Variants in PRELID2 observed in about 807,000 individuals in gnomAD.
PRELID2 encodes PRELI domain containing 2.
In PRELID2, 25 loss-of-function variants were observed where a neutral mutation model predicts 28.4. The observed-to-expected ratio is 0.88, with a 90% CI of 0.64 to 1.23. The LOEUF (loss-of-function observed/expected upper bound fraction) is 1.23, where lower values mean the gene tolerates loss of function less well. Among genes scored for constraint, PRELID2 ranks in the 50% most tolerant of loss-of-function variants. The pLI, the probability that PRELID2 is intolerant of heterozygous loss-of-function variation, is 0.00. For missense variants in PRELID2, 201 were observed against 214.4 expected (o/e 0.94, Z 0.39); for synonymous variants, 76 against 71.6 (o/e 1.06, Z -0.31).
intron 1 of PRELID2, among the ~76,000 whole-genome samples, chr5:145,675,430 A>G (rs1006471075): frequency 9.2e-5 from 14 of 152,250 alleles, no homozygotes; most frequent in African/African-American, 3.4e-4. Flanking sequence ...CACCGCTGGT[A>G]CAAAACAGAA....
At chr5:145,392,987 C>T in the PRELID2 span, among the ~76,000 whole-genome samples, 1 of 152,140 alleles carries the variant, frequency 6.6e-6, no homozygotes, top group South Asian at 2.1e-4. Flanking sequence ...CCTGCTCCAT[C>T]CCCTTCTCCC....
intron 1 of PRELID2, among the ~76,000 whole-genome samples, chr5:145,512,833 C>T (rs1435847837): frequency 6.6e-6 from 1 of 152,104 alleles, no homozygotes; most frequent in African/African-American, 2.4e-5. Flanking sequence ...CTGGTGATAC[C>T]CAGGCAAACA....
At chr5:145,313,835 C>T in the PRELID2 span, among the ~76,000 whole-genome samples, 1 of 152,002 alleles carries the variant, frequency 6.6e-6, no homozygotes. Flanking sequence ...TAGCAAGGTG[C>T]AACAAAATAA....
At chr5:145,328,375 G>A in the PRELID2 span, among the ~76,000 whole-genome samples, 1 of 152,076 alleles carries the variant, frequency 6.6e-6, no homozygotes, top group South Asian at 2.1e-4. Flanking sequence ...CTTCTAAAAC[G>A]GTTGAACTAA....
chr5:145,824,918 T>C (rs1449798663), intron 1 of PRELID2, among the ~76,000 whole-genome samples: 1 of 152,008 alleles, frequency 6.6e-6, no homozygotes, highest in African/African-American at 2.4e-5. Flanking sequence ...CATTCACTCA[T>C]TTTAGCCCTA....
At chr5:145,487,374 G>C (rs1177874058) in intron 1 of PRELID2, among the ~76,000 whole-genome samples, 2 of 152,140 alleles carry the variant, frequency 1.3e-5, no homozygotes, top group Non-Finnish European at 2.9e-5. Flanking sequence ...AGTTGTAAAG[G>C]TGGAAACTAT....
At chr5:145,679,036 G>A (rs910291835) in intron 1 of PRELID2, among the ~76,000 whole-genome samples, 3 of 152,152 alleles carry the variant, frequency 2.0e-5, no homozygotes, top group African/African-American at 7.2e-5. Context: ...TCTCTAAACA[G>A]TCCAAAGATG....
chr5:145,317,939 T>G, the PRELID2 span, among the ~76,000 whole-genome samples: 1 of 152,196 alleles, frequency 6.6e-6, no homozygotes, highest in Non-Finnish European at 1.5e-5. Context: ...ATGATAATAA[T>G]AATTAACAAT....
At chr5:145,608,619 G>A (rs1291644662) in intron 1 of PRELID2, among the ~76,000 whole-genome samples, 1 of 152,172 alleles carries the variant, frequency 6.6e-6, no homozygotes, top group Non-Finnish European at 1.5e-5. Context: ...CTGTTAGCCT[G>A]ATGAGATTCC....
intron 1 of PRELID2, among the ~76,000 whole-genome samples, chr5:145,578,448 T>A (rs191172992): frequency 6.6e-6 from 1 of 151,992 alleles, no homozygotes; most frequent in Non-Finnish European, 1.5e-5. Flanking sequence ...CCCTTTTTTT[T>A]CCCCTGGGTC....
chr5:145,688,737 G>C (rs1223244772), intron 1 of PRELID2, among the ~76,000 whole-genome samples: 1 of 152,208 alleles, frequency 6.6e-6, no homozygotes, highest in Non-Finnish European at 1.5e-5. Context: ...CATGTACCTA[G>C]AGCGTAAGGT....
intron 1 of PRELID2, among the ~76,000 whole-genome samples, chr5:145,481,300 T>C (rs528968084): frequency 6.6e-6 from 1 of 151,700 alleles, no homozygotes; most frequent in Non-Finnish European, 1.5e-5. Context: ...CTTTTAACTT[T>C]TAATTCTTAA....
At chr5:145,335,862 G>A in the PRELID2 span, among the ~76,000 whole-genome samples, 1 of 152,168 alleles carries the variant, frequency 6.6e-6, no homozygotes, top group Admixed American at 6.5e-5. Context: ...ACTTCCACAA[G>A]GGTTGAACTT....
intron 1 of PRELID2, among the ~76,000 whole-genome samples, chr5:145,734,877 C>G (rs1756450360): frequency 6.6e-6 from 1 of 152,164 alleles, no homozygotes; most frequent in Admixed American, 6.5e-5. Flanking sequence ...AATGTGAAAG[C>G]TTAGGCTTTT....
At chr5:145,366,763 C>T in the PRELID2 span, among the ~76,000 whole-genome samples, 3 of 151,840 alleles carry the variant, frequency 2.0e-5, no homozygotes, top group African/African-American at 4.8e-5. Context: ...TCTTCTGTTT[C>T]CTCAAACAAA....
rs1293376133 is a variant in PRELID2, at chr5:145,756,979, A to G, written c.*3557T>C. Among the ~76,000 whole-genome samples the G allele has an allele frequency of 6.6e-6, 1 of 152,134 alleles. No individual in the cohort carries two copies. Among genetic ancestry groups the G allele is most frequent in the Non-Finnish European group, 1.5e-5 (1 of 68,012 alleles). On this transcript the variant is annotated 3_prime_UTR_variant, in exon 7 of 7. Coordinates refer to ENST00000683046, the MANE Select transcript of PRELID2 (RefSeq NM_205846.3). ...AAACTAAGTAGGGCCTGAAAGAATT[A>G]AAAACATATATGACGACTCTGAAAA...
At chr5:145,451,740 G>A in the PRELID2 span, among the ~76,000 whole-genome samples, 2 of 152,134 alleles carry the variant, frequency 1.3e-5, no homozygotes, top group African/African-American at 4.8e-5. Context: ...ACAGCTGCCT[G>A]CATAATATCC....
chr5:145,455,779 T>G, the PRELID2 span, among the ~76,000 whole-genome samples: 1 of 152,190 alleles, frequency 6.6e-6, no homozygotes, highest in African/African-American at 2.4e-5. Context: ...GCTTGTGATT[T>G]TGGCTAGGGG....
intron 1 of PRELID2, among the ~76,000 whole-genome samples, chr5:145,572,860 T>C (rs1207123950): frequency 6.6e-6 from 1 of 152,172 alleles, no homozygotes; most frequent in Non-Finnish European, 1.5e-5. Context: ...TGGAAGTTAG[T>C]TCCTCTCTTA....
Sources: allele counts gnomAD v4.1 joint callset (sites outside exome capture counted in the v4.1 genomes callset), GRCh38; gene constraint gnomAD v4.1.1; transcripts MANE v1.5; gene names NCBI Gene and HGNC (gene_info 2026-07-23, HGNC 2026-07-21).